Variants in NECAB1 observed in about 807,000 individuals in gnomAD.
NECAB1 encodes N-terminal EF-hand calcium-binding protein 1.
In NECAB1, 29 loss-of-function variants were observed where a neutral mutation model predicts 57.5. The observed-to-expected ratio is 0.50, with a 90% CI of 0.38 to 0.69. The LOEUF (loss-of-function observed/expected upper bound fraction) is 0.69, where lower values mean the gene tolerates loss of function less well. Ranked by LOEUF, NECAB1 falls within the 30% of genes least tolerant of loss-of-function variation. The probability of loss-of-function intolerance (pLI) is 0.00; values close to 1 mark genes in which losing one functional copy is unlikely to be tolerated. For synonymous variants in NECAB1, 142 were observed against 147.7 expected (o/e 0.96, Z 0.28); for missense variants, 372 against 413.8 (o/e 0.90, Z 0.88).
At chr8:90,864,560 G>A (rs763406543) in intron 3 of NECAB1, among the ~76,000 whole-genome samples, 2 of 151,938 alleles carry the variant, frequency 1.3e-5, no homozygotes, top group Admixed American at 6.6e-5. Flanking sequence ...TCAACACAGC[G>A]TAAACAGAAT....
chr8:90,917,881 T>TGC lies in NECAB1; in HGVS notation c.494+255_494+256dup, dbSNP rs1554575460. Reference sequence around the variant, plus strand: ...ATATATATATATATATGTGTGTGTGTGCGTGTATATATATGTCTGTGTGTA... The same window carrying TGC: ...ATATATATATATATATGTGTGTGTGTGCGCGTGTATATATATGTCTGTGTGTA... On this transcript the variant is annotated intron_variant, in intron 6 of 12. Coordinates refer to ENST00000417640, the MANE Select transcript of NECAB1 (RefSeq NM_022351.5). Among the ~76,000 whole-genome samples the TGC allele has an allele frequency of 1.3e-3, 159 of 117,854 alleles. 4 individuals are homozygous for TGC. Among genetic ancestry groups the TGC allele is most frequent in the African/African-American group, 4.8e-3 (133 of 27,600 alleles). The allele number at this position is 117,854 out of a possible 152,430, so 77.3% of individuals were successfully genotyped here. A position where few individuals can be genotyped will look rare whatever the true frequency, so the allele number is the denominator to read the frequency against.
chr8:90,949,167 TGTGTGTG>T (rs1810875158), intron 10 of NECAB1, among the ~76,000 whole-genome samples: 1 of 148,804 alleles, frequency 6.7e-6, no homozygotes. Flanking sequence ...TGTGTGTGTG[TGTGTGTG>T]TGTGTGTGTG....
At chr8:90,836,055 A>G (rs1015684363) in intron 3 of NECAB1, among the ~76,000 whole-genome samples, 6 of 152,208 alleles carry the variant, frequency 3.9e-5, no homozygotes, top group African/African-American at 1.4e-4. Flanking sequence ...CTATTGCTAT[A>G]TTAAAATAGT....
At chr8:90,872,234 G>A in intron 4 of NECAB1, 81 bp downstream of exon 4, 2 of 1,119,190 alleles carry the variant, frequency 1.8e-6, no homozygotes, top group Non-Finnish European at 2.5e-6. Flanking sequence ...TATCAACCTT[G>A]GAATTAATGT....
chr8:90,917,870 A>ATATATATATATATATATATGTGTGTG (rs1554575432), intron 6 of NECAB1, among the ~76,000 whole-genome samples: 16 of 64,320 alleles, frequency 2.5e-4, no homozygotes, highest in East Asian at 1.1e-3. Flanking sequence ...ATATATATAT[A>ATATATATATATATATATATGTGTGTG]TGTGTGTGTG....
intron 2 of NECAB1, among the ~76,000 whole-genome samples, chr8:90,822,410 C>T (rs1372958931): frequency 2.0e-5 from 3 of 151,782 alleles, no homozygotes; most frequent in Non-Finnish European, 4.4e-5. Flanking sequence ...GTGTGGCCAC[C>T]TAAAGTGAAG....
intron 5 of NECAB1, among the ~76,000 whole-genome samples, chr8:90,891,163 A>G (rs1232687280): frequency 6.6e-6 from 1 of 152,252 alleles, no homozygotes; most frequent in Non-Finnish European, 1.5e-5. Context: ...TGAAGCATTA[A>G]GCAATTTTGG....
At chr8:90,884,853 G>C (rs1042980088) in intron 5 of NECAB1, among the ~76,000 whole-genome samples, 3 of 152,152 alleles carry the variant, frequency 2.0e-5, no homozygotes, top group Admixed American at 2.0e-4. Flanking sequence ...GGTTCAATAG[G>C]ACAGAAGCCC....
At chr8:90,849,879 T>C (rs10956783) in intron 3 of NECAB1, among the ~76,000 whole-genome samples, 3 of 152,144 alleles carry the variant, frequency 2.0e-5, no homozygotes, top group African/African-American at 7.2e-5. Context: ...TGGATCATTG[T>C]GTTTGGTTAT....
At chr8:90,792,733 C>T (rs1347004147) in intron 1 of NECAB1, among the ~76,000 whole-genome samples, 2 of 152,132 alleles carry the variant, frequency 1.3e-5, no homozygotes, top group Non-Finnish European at 2.9e-5. Flanking sequence ...TTCTTTTTCC[C>T]GTATGGTGTG....
chr8:90,868,883 A>T (rs1808567122), intron 3 of NECAB1, among the ~76,000 whole-genome samples: 1 of 152,216 alleles, frequency 6.6e-6, no homozygotes, highest in African/African-American at 2.4e-5. Flanking sequence ...AAATGTCTCC[A>T]GGGTATTTCA....
intron 5 of NECAB1, among the ~76,000 whole-genome samples, chr8:90,901,899 T>TTGTG (rs148389383): frequency 1.9e-4 from 29 of 149,502 alleles, no homozygotes; most frequent in Admixed American, 4.0e-4. Flanking sequence ...CTCTCTGTAT[T>TTGTG]TGTGTGTGTG....
intron 5 of NECAB1, among the ~76,000 whole-genome samples, chr8:90,882,240 G>T (rs916417551): frequency 6.6e-6 from 1 of 152,130 alleles, no homozygotes. Context: ...GAGTGAGTAG[G>T]CTAGTTCATT....
intron 9 of NECAB1, among the ~76,000 whole-genome samples, chr8:90,934,858 G>A (rs368623287): frequency 9.2e-5 from 14 of 152,250 alleles, no homozygotes; most frequent in Admixed American, 4.6e-4. Flanking sequence ...TCCATCCAGA[G>A]TGGCAGCAGT....
At chr8:90,906,887 A>ATATATATATATATATGTATATATATATG (rs1809675741) in intron 5 of NECAB1, among the ~76,000 whole-genome samples, 3 of 121,670 alleles carry the variant, frequency 2.5e-5, no homozygotes, top group African/African-American at 1.1e-4. Flanking sequence ...ATATATATAT[A>ATATATATATATATATGTATATATATATG]TATATATATA....
chr8:90,939,401 C>G (rs766938909), intron 9 of NECAB1, among the ~76,000 whole-genome samples: 1 of 152,160 alleles, frequency 6.6e-6, no homozygotes, highest in Non-Finnish European at 1.5e-5. Context: ...AAATAGAATC[C>G]ATGTCTTGAG....
rs189337620 is a variant in NECAB1, at chr8:90,793,638, G to C, written c.99+1653G>C. Among the ~76,000 whole-genome samples, 377 of 152,300 alleles carry C rather than the reference G, an allele frequency of 2.5e-3. 1 individual carries two copies. The highest frequency in any genetic ancestry group is 8.4e-3 in the African/African-American group (350 of 41,560). Reference sequence around the variant, plus strand: ...AAAAGTCAGGGCCCCTGGAAATCATGTCAGTTATGAGGCTGACAATTAAGG... The same window carrying C: ...AAAAGTCAGGGCCCCTGGAAATCATCTCAGTTATGAGGCTGACAATTAAGG... On this transcript the variant is annotated intron_variant, in intron 1 of 12. Transcript: ENST00000417640.
intron 5 of NECAB1, among the ~76,000 whole-genome samples, chr8:90,913,183 C>T (rs566581368): frequency 2.0e-5 from 3 of 152,238 alleles, no homozygotes; most frequent in Non-Finnish European, 4.4e-5. Context: ...TCTAAGAAAC[C>T]TGATTCAAAG....
chr8:90,884,796 C>T (rs1348700548), intron 5 of NECAB1, among the ~76,000 whole-genome samples: 2 of 152,052 alleles, frequency 1.3e-5, no homozygotes, highest in Non-Finnish European at 2.9e-5. Flanking sequence ...GAAGTAGAGA[C>T]TAGGAGGATG....
Sources: gnomAD v4.1 joint callset for allele counts (sites outside exome capture counted in the v4.1 genomes callset) on GRCh38, gnomAD v4.1.1 for gene constraint, MANE v1.5 for transcripts, NCBI Gene and HGNC (gene_info 2026-07-23, HGNC 2026-07-21) for gene names.